Variants in RFX8 observed in about 807,000 individuals in gnomAD.
RFX8 encodes regulatory factor X8, also known as DNA-binding protein RFX8.
In RFX8, 46 loss-of-function variants were observed where a neutral mutation model predicts 54.6. The observed-to-expected ratio is 0.84, with a 90% confidence interval of 0.67 to 1.08. The LOEUF (loss-of-function observed/expected upper bound fraction) is 1.08. Ranked by LOEUF, RFX8 falls within the 50% of genes least tolerant of loss-of-function variation. RFX8 has a pLI of 0.00. For synonymous variants in RFX8, 192 were observed against 209.5 expected (o/e 0.92, Z 0.72); for missense variants, 536 against 562.3 (o/e 0.95, Z 0.47).
At chr2:101,443,607 G>A (rs1688217359) in intron 2 of RFX8, among the ~76,000 whole-genome samples, 1 of 152,180 alleles carries the variant, frequency 6.6e-6, no homozygotes, top group South Asian at 2.1e-4. Flanking sequence ...AAGCGGGAAA[G>A]AAGAAGGTAG....
rs1323465162 is a variant in RFX8, at chr2:101,469,089, TATAA to T, written c.-52-2193_-52-2190del. Among the ~76,000 whole-genome samples, 9 of 51,484 alleles carry T rather than the reference TATAA, an allele frequency of 1.7e-4. 1 individual carries two copies. Among genetic ancestry groups the T allele is most frequent in the African/African-American group, 8.5e-4 (7 of 8,210 alleles). 33.8% of individuals were successfully genotyped at this position (51,484 alleles called of 152,430 possible). A position where few individuals can be genotyped will look rare whatever the true frequency, so the allele number is the denominator to read the frequency against. ...ATGTATATATATATAAGTGTATATATATAAGTATATATATATAAGTGTATATATA... is the reference window on the plus strand; with the variant it reads ...ATGTATATATATATAAGTGTATATATGTATATATATATAAGTGTATATATA... On this transcript the variant is annotated intron_variant, in intron 1 of 11. Coordinates refer to ENST00000428343, the MANE Select transcript of RFX8 (RefSeq NM_001145664.2).
chr2:101,402,552 T>C lies in RFX8; in HGVS notation c.1129A>G (p.Met377Val). 2 of 1,551,838 alleles carry C rather than the reference T, an allele frequency of 1.3e-6. No individual in the cohort carries two copies. The highest frequency in any genetic ancestry group is 8.7e-7 in the Non-Finnish European group (1 of 1,147,020). Residue 377 changes from methionine (M) to valine (V), a missense_variant, in exon 11 of 12, where the codon ATG (methionine) becomes GTG (valine). Physicochemically the swap from Met to Val is conservative, Grantham distance 21. Coordinates refer to ENST00000428343, the MANE Select transcript of RFX8 (RefSeq NM_001145664.2). ...SLSQACASPS[M>V]EPLGVMPTHM... Reference sequence around the variant, plus strand: ...GTGGGCATCACCCCCAGTGGCTCCATGCTGGGGCTGGCACACGCCTGCGAC... The same window carrying C: ...GTGGGCATCACCCCCAGTGGCTCCACGCTGGGGCTGGCACACGCCTGCGAC...
intron 1 of RFX8, among the ~76,000 whole-genome samples, chr2:101,467,189 T>C (rs1689619557): frequency 1.3e-5 from 2 of 152,184 alleles, no homozygotes; most frequent in Admixed American, 1.3e-4. Flanking sequence ...GAAGTTCAAA[T>C]TAGGACTTCA....
chr2:101,463,884 C>A (rs946148480), intron 2 of RFX8, among the ~76,000 whole-genome samples: 5 of 152,198 alleles, frequency 3.3e-5, no homozygotes, highest in African/African-American at 1.2e-4. Flanking sequence ...AACAGCTCTA[C>A]TTTAAATCAA....
chr2:101,426,979 C>T (rs916388439), intron 2 of RFX8, among the ~76,000 whole-genome samples: 29 of 152,206 alleles, frequency 1.9e-4, no homozygotes, highest in Non-Finnish European at 3.8e-4. Context: ...TCGACAAGCT[C>T]TGTGCCCTCT....
intron 5 of RFX8, 110 bp downstream of exon 5, chr2:101,418,741 T>A (rs1359807022): frequency 1.4e-6 from 1 of 720,244 alleles, no homozygotes; most frequent in East Asian, 2.7e-5. Flanking sequence ...CACTATTCAC[T>A]CCTCAGAGGA....
At chr2:101,405,559 C>T (rs915944721) in intron 10 of RFX8, among the ~76,000 whole-genome samples, 5 of 152,152 alleles carry the variant, frequency 3.3e-5, no homozygotes, top group African/African-American at 7.2e-5. Context: ...TCTCTACCAT[C>T]GCATACAATG....
intron 2 of RFX8, among the ~76,000 whole-genome samples, chr2:101,439,879 C>G (rs892499434): frequency 6.6e-6 from 1 of 152,038 alleles, no homozygotes; most frequent in Admixed American, 6.6e-5. Context: ...CATAGCCGAG[C>G]GGATCTATTT....
Position 101,429,824 on chromosome 2 carries a change from G to A in RFX8, c.73-7352C>T, listed in dbSNP as rs534800089. Among the ~76,000 whole-genome samples the A allele has an allele frequency of 7.6e-4, 115 of 152,276 alleles. 2 individuals are homozygous for A. The highest frequency in any genetic ancestry group is 2.6e-3 in the African/African-American group (107 of 41,558). On this transcript the variant is annotated intron_variant, in intron 2 of 11. Transcript: ENST00000428343. ...GCCTCTTGCTGTGCTTCTGGAAGCCGGGCAATTGTCATCCAGGTAAGGAGG... is the reference window on the plus strand; with the variant it reads ...GCCTCTTGCTGTGCTTCTGGAAGCCAGGCAATTGTCATCCAGGTAAGGAGG...
At chr2:101,426,220 T>C (rs546737341) in intron 2 of RFX8, among the ~76,000 whole-genome samples, 5 of 152,192 alleles carry the variant, frequency 3.3e-5, no homozygotes, top group African/African-American at 7.2e-5. Flanking sequence ...AATAACTGTG[T>C]TGAGTGTGGT....
intron 1 of RFX8, chr2:101,474,264 C>T (rs1018424945): frequency 1.6e-5 from 10 of 608,804 alleles, no homozygotes; most frequent in Middle Eastern, 8.0e-4. Flanking sequence ...AGGCCGGCAC[C>T]CCCTCGGCCA....
At chr2:101,463,779 G>GCTCCT (rs1689419686) in intron 2 of RFX8, among the ~76,000 whole-genome samples, 1 of 152,148 alleles carries the variant, frequency 6.6e-6, no homozygotes, top group Non-Finnish European at 1.5e-5. Context: ...AGAGGGGTCA[G>GCTCCT]GCCACACCTG....
chr2:101,403,163 C>T (rs1478617212), intron 10 of RFX8, among the ~76,000 whole-genome samples: 1 of 152,168 alleles, frequency 6.6e-6, no homozygotes, highest in East Asian at 1.9e-4. Context: ...GGGAACCCTG[C>T]TGCTGTTTTG....
At chr2:101,434,264 A>T (rs1252974955) in intron 2 of RFX8, among the ~76,000 whole-genome samples, 2 of 152,248 alleles carry the variant, frequency 1.3e-5, no homozygotes, top group Non-Finnish European at 2.9e-5. Context: ...AAAAAGTAAG[A>T]TATCAATTTT....
intron 11 of RFX8, among the ~76,000 whole-genome samples, chr2:101,398,431 A>G (rs1685248283): frequency 6.6e-6 from 1 of 152,116 alleles, no homozygotes; most frequent in Admixed American, 6.5e-5. Context: ...CCCCCCATCA[A>G]TTTGGGAGTC....
chr2:101,406,097 T>C (rs1364223669), intron 9 of RFX8, 40 bp from the exon 10 acceptor site: 4 of 1,210,298 alleles, frequency 3.3e-6, no homozygotes, highest in Non-Finnish European at 4.7e-6. Context: ...CAGTTTGTAA[T>C]AAAATCAAGA....
At chr2:101,473,991 C>G (rs542562030) in intron 1 of RFX8, among the ~76,000 whole-genome samples, 1 of 152,318 alleles carries the variant, frequency 6.6e-6, no homozygotes, top group South Asian at 2.1e-4. Context: ...CCGGCCCCAT[C>G]GCCGATTCGG....
intron 2 of RFX8, among the ~76,000 whole-genome samples, chr2:101,454,447 T>C (rs1240606893): frequency 6.6e-6 from 1 of 152,246 alleles, no homozygotes; most frequent in Non-Finnish European, 1.5e-5. Context: ...GTATTTCTAG[T>C]TCTAGAACCT....
At chr2:101,452,557 CAAACAATAA>C (rs1688741942) in intron 2 of RFX8, 2 of 421,332 alleles carry the variant, frequency 4.7e-6, no homozygotes, top group South Asian at 2.1e-4. Flanking sequence ...TTCTAATAAG[CAAACAATAA>C]AGAAAATAAA....
Sources: allele counts gnomAD v4.1 joint callset (sites outside exome capture counted in the v4.1 genomes callset), GRCh38; gene constraint gnomAD v4.1.1; transcripts MANE v1.5; gene names NCBI Gene and HGNC (gene_info 2026-07-23, HGNC 2026-07-21).